KIF20A: variants seen among roughly 807,000 people sequenced by gnomAD.
The protein encoded by KIF20A is kinesin family member 20A.
A neutral mutation model predicts 113.0 loss-of-function variants in KIF20A; 66 were observed. The observed-to-expected ratio is 0.58, with a 90% CI of 0.48 to 0.72. KIF20A has a LOEUF of 0.72. Among genes scored for constraint, KIF20A ranks in the 30% least tolerant of loss-of-function variants. KIF20A has a pLI of 0.00. For synonymous variants in KIF20A, 376 were observed against 402.3 expected (o/e 0.93, Z 0.78); for missense variants, 927 against 1,077.6 (o/e 0.86, Z 1.96).
Position 138,184,842 on chromosome 5 carries a change from G to A in KIF20A, c.1719G>A (p.Leu573=). The A allele has an allele frequency of 6.2e-7, 1 of 1,614,186 alleles. No homozygotes were observed. The highest frequency in any genetic ancestry group is 8.5e-7 in the Non-Finnish European group (1 of 1,180,006). ...LLQVVEAMKT[L]LLKERQEKLQ... is the part of the protein sequence containing the mutation. ...AAGTTGTGGAAGCCATGAAGACACT[G>A]CTTTTGAAGGAACGACAGGAAAAGC... is the stretch of plus-strand genomic sequence containing the variant. Residue 573 remains leucine, a synonymous_variant, in exon 14 of 19, where the codon CTG becomes CTA. Coordinates refer to ENST00000394894, the MANE Select transcript of KIF20A (RefSeq NM_005733.3).
rs1198800962 is a variant in KIF20A, at chr5:138,179,273, G to A, written c.-22+71G>A. The A allele has an allele frequency of 1.9e-5, 4 of 211,232 alleles. No individual in the cohort carries two copies. In the Admixed American group the frequency reaches 2.1e-4, roughly 11 times the overall value. 13.1% of individuals were successfully genotyped at this position (211,232 alleles called of 1,614,324 possible). A position where few individuals can be genotyped will look rare whatever the true frequency, so the allele number is the denominator to read the frequency against. ...GCGCGGAATAGGCTTTAAGAAATCG[G>A]AGCTGCAGCCATCTGTTTTTCTCTT... On this transcript the variant is annotated intron_variant, in intron 1 of 18. Transcript: ENST00000394894.
rs907331975 is a variant in KIF20A at position 138,183,370 on chromosome 5, G to A, written c.1027+7G>A. 1 of 1,613,998 alleles carries A rather than the reference G, an allele frequency of 6.2e-7. No individual in the cohort carries two copies. Among genetic ancestry groups the A allele is most frequent in the Admixed American group, 1.7e-5 (1 of 60,012 alleles). On this transcript the variant is annotated splice_region_variant and intron_variant, in intron 8 of 18. Coordinates refer to ENST00000394894, the MANE Select transcript of KIF20A (RefSeq NM_005733.3). This position sits in a 1 kb window ranked among gnomAD's most constrained non-coding sequence, Gnocchi z 5.2. Reference sequence around the variant, plus strand: ...GGCAATCCCTATGTGAAAGGTAAAGGAACATGGGGAAAGCTGGCATGAACC... The same window carrying A: ...GGCAATCCCTATGTGAAAGGTAAAGAAACATGGGGAAAGCTGGCATGAACC...
chr5:138,182,907 G>A lies in KIF20A; in HGVS notation c.749G>A (p.Arg250Gln), dbSNP rs760546603. Residue 250 changes from arginine to glutamine, a missense_variant, in exon 7 of 19, where the codon CGG becomes CAG. Transcript: ENST00000394894. Reference protein sequence around the residue: ...SLKRSVYIESRIGTSTSFDSG... With the variant: ...SLKRSVYIESQIGTSTSFDSG... ...AAGAGGAGTGTCTACATCGAAAGTC[G>A]GATAGGTACCAGCACCAGCTTCGAC... is the stretch of plus-strand genomic sequence containing the variant. 8.1e-6 allele frequency: 13 copies of A among 1,614,048 alleles called. No individual in the cohort carries two copies. In the South Asian group the frequency reaches 9.9e-5, roughly 12 times the overall value.
rs369558665 is a variant in KIF20A at position 138,179,467 on chromosome 5, C to G, written c.-21-193C>G. The G allele has an allele frequency of 1.3e-3, 698 of 535,944 alleles. 6 individuals carry two copies. Among genetic ancestry groups the G allele is most frequent in the South Asian group, 0.011 (520 of 46,572 alleles). The allele number at this position is 535,944 out of a possible 1,614,324, so 33.2% of individuals were successfully genotyped here. On this transcript the variant is annotated intron_variant, in intron 1 of 18. Coordinates refer to ENST00000394894, the MANE Select transcript of KIF20A (RefSeq NM_005733.3). ...GGACTTCTGTTCGCGTTCAGAAATG[C>G]CGCCTCAAACTTCTCTCAATTGTTC...
At position 138,184,654 on chromosome 5, in the gene KIF20A, A is replaced by G. The variant is rs761175853; in HGVS notation, c.1661A>G (p.Asp554Gly). ...GLDDDIENEA[D>G]ISMYGKEELL... ...GATGATGATATTGAAAATGAAGCTG[A>G]CATCTCCATGTATGGCAAAGAGGTG... The change falls in exon 13 of 19, where the codon GAC (aspartate) becomes GGC (glycine). Residue 554 changes from aspartate to glycine, a missense_variant. Physicochemically the swap from Asp to Gly is moderately conservative, Grantham distance 94. Transcript: ENST00000394894. 1.2e-6 allele frequency: 2 copies of G among 1,614,170 alleles called. No individual in the cohort carries two copies. Among genetic ancestry groups the G allele is most frequent in the Admixed American group, 1.7e-5 (1 of 60,024 alleles).
intron 15 of KIF20A, 44 bp downstream of exon 15, chr5:138,185,241 A>C (rs368931969): frequency 1.5e-6 from 2 of 1,304,368 alleles, no homozygotes; most frequent in Non-Finnish European, 2.2e-6. Context: ...TCAGATTTCC[A>C]TCACTAGCTT....
chr5:138,181,807 C>G, intron 4 of KIF20A, 79 bp downstream of exon 4: 1 of 1,549,842 alleles, frequency 6.5e-7, no homozygotes, highest in Non-Finnish European at 8.8e-7. Flanking sequence ...GAAAGCTTCT[C>G]TTCCTGACTG....
chr5:138,187,704 T>C lies in KIF20A; in HGVS notation c.*291T>C. On this transcript the variant is annotated 3_prime_UTR_variant, in exon 19 of 19. Coordinates refer to ENST00000394894, the MANE Select transcript of KIF20A (RefSeq NM_005733.3). ...AATGTAGCAAAATCATTAAAACAAA[T>C]TATAAAAGGGACAGAAAAATTAAGA... The C allele has an allele frequency of 3.6e-6, 1 of 276,312 alleles. No individual in the cohort carries two copies. Among genetic ancestry groups the C allele is most frequent in the East Asian group, 8.2e-5 (1 of 12,132 alleles). The allele number at this position is 276,312 out of a possible 1,614,324, so 17.1% of individuals were successfully genotyped here. A position where few individuals can be genotyped will look rare whatever the true frequency, so the allele number is the denominator to read the frequency against.
At chr5:138,182,046 G>A in intron 4 of KIF20A, 1 of 569,066 alleles carries the variant, frequency 1.8e-6, no homozygotes, top group East Asian at 2.9e-5. Flanking sequence ...TATCTCCAAA[G>A]CCCATACTTG....
chr5:138,183,653 A>T lies in KIF20A; in HGVS notation c.1140-35A>T. ...TTAGTCCTCTGCCTGGTCATGGAAA[A>T]TGTGCAATGACTTTTTGTTTTTCTT... On this transcript the variant is annotated intron_variant, in intron 9 of 18. Coordinates refer to ENST00000394894, the MANE Select transcript of KIF20A (RefSeq NM_005733.3). The surrounding 1 kb of genome is among the most constrained non-coding windows in gnomAD (Gnocchi z 5.2). 6.2e-7 allele frequency: 1 copy of T among 1,610,866 alleles called. No homozygotes were observed. The highest frequency in any genetic ancestry group is 8.5e-7 in the Non-Finnish European group (1 of 1,177,238).
chr5:138,181,575 C>T (rs767042635), intron 3 of KIF20A, 34 bp from the exon 4 acceptor site: 2 of 1,613,962 alleles, frequency 1.2e-6, no homozygotes, highest in Middle Eastern at 1.6e-4. Context: ...CCCAGGAATG[C>T]CTTCTGTGAC....
Position 138,185,131 on chromosome 5 carries a change from A to C in KIF20A, c.1860A>C (p.Glu620Asp). ...HLDTQKELLE[E>D]MYEEKLNILK... ...ACACCCAAAAGGAACTATTGGAGGA[A>C]ATGTATGAAGAAAAACTAAATATCC... Residue 620 changes from glutamate to aspartate, a missense_variant, in exon 15 of 19, where the codon GAA (glutamate) becomes GAC (aspartate). Transcript: ENST00000394894. 6.2e-7 allele frequency: 1 copy of C among 1,613,910 alleles called. No individual in the cohort carries two copies. The highest frequency in any genetic ancestry group is 8.5e-7 in the Non-Finnish European group (1 of 1,179,860).
Position 138,183,703 on chromosome 5 carries a change from A to C in KIF20A, c.1155A>C (p.Ser385=), listed in dbSNP as rs112235103. 3 of 1,613,864 alleles carry C rather than the reference A, an allele frequency of 1.9e-6. No homozygotes were observed. In the African/African-American group the frequency reaches 4.0e-5, roughly 22 times the overall value. The change falls in exon 10 of 19, where the codon TCA becomes TCC. Residue 385 remains serine, a synonymous_variant. Transcript: ENST00000394894. The surrounding 1 kb of genome is among the most constrained non-coding windows in gnomAD (Gnocchi z 5.2). ...TAACTTCCAGTCACAGCATCTTCTC[A>C]ATCAGGATCCTACACCTTCAGGGGG... The part of the protein sequence containing the change: ...QNSSRSHSIF[S]IRILHLQGEG...
intron 2 of KIF20A, 121 bp from the exon 3 acceptor site, chr5:138,181,301 A>C: frequency 1.3e-6 from 1 of 771,666 alleles, no homozygotes; most frequent in Non-Finnish European, 2.2e-6. Flanking sequence ...GTAGCTGCAC[A>C]GAGACATTTG....
At position 138,187,369 on chromosome 5, in the gene KIF20A, C is replaced by A; in HGVS notation, c.2629C>A (p.Arg877Ser). 1.2e-6 allele frequency: 2 copies of A among 1,614,152 alleles called. No homozygotes were observed. Among genetic ancestry groups the A allele is most frequent in the Non-Finnish European group, 1.7e-6 (2 of 1,180,004 alleles). The stretch of plus-strand genomic sequence containing the variant: ...TTATGCCCGGATCCTACGCTCACGG[C>A]GTTCCCCTTTACTCAAATCTGGGCC... ...SPYARILRSRRSPLLKSGPFG... is the reference protein window; with the variant it reads ...SPYARILRSRSSPLLKSGPFG... Residue 877 changes from arginine (R) to serine (S), a missense_variant, in exon 19 of 19, where the codon CGT becomes AGT. Coordinates refer to ENST00000394894, the MANE Select transcript of KIF20A (RefSeq NM_005733.3).
chr5:138,184,356 C>G lies in KIF20A; in HGVS notation c.1470C>G (p.Thr490=). 1 of 1,614,190 alleles carries G rather than the reference C, an allele frequency of 6.2e-7. No homozygotes were observed. The highest frequency in any genetic ancestry group is 1.7e-5 in the Admixed American group (1 of 60,024). ...TCAATGTGAATCCCTGTGCATCTAC[C>G]TATGATGAAACTCTTCATGTGGCCA... ...MIVNVNPCAS[T]YDETLHVAKF... is the part of the protein sequence containing the mutation. Residue 490 remains threonine (T), a synonymous_variant, in exon 12 of 19, where the codon ACC becomes ACG. Transcript: ENST00000394894.
At chr5:138,186,185 C>G in intron 17 of KIF20A, 109 bp from the exon 18 acceptor site, 1 of 1,486,472 alleles carries the variant, frequency 6.7e-7, no homozygotes, top group African/African-American at 1.4e-5. Context: ...TTTCACTCAG[C>G]TGACTAGCCT....
intron 16 of KIF20A, 113 bp from the exon 17 acceptor site, chr5:138,185,848 C>A: frequency 1.6e-6 from 2 of 1,281,212 alleles, no homozygotes; most frequent in Admixed American, 1.9e-5. Flanking sequence ...ATCTAGGATA[C>A]ACATAGCCTC....
chr5:138,184,505 C>G lies in KIF20A; in HGVS notation c.1519-7C>G. The G allele has an allele frequency of 6.2e-7, 1 of 1,610,500 alleles. No homozygotes were observed. Among genetic ancestry groups the G allele is most frequent in the Non-Finnish European group, 8.5e-7 (1 of 1,177,894 alleles). ...GGAGTCAAGTAAGATATTTTTTTTC[C>G]CTCTAGCTTGTGCATGCCCCACCTA... On this transcript the variant is annotated splice_polypyrimidine_tract_variant and splice_region_variant and intron_variant, in intron 12 of 18. Transcript: ENST00000394894.
Sources: allele counts gnomAD v4.1 joint callset, GRCh38; gene constraint gnomAD v4.1.1; non-coding constraint Gnocchi (gnomAD v3.1); transcripts MANE v1.5; gene names NCBI Gene and HGNC (gene_info 2026-07-23, HGNC 2026-07-21).